NPLOC4: variants seen among roughly 807,000 people sequenced by gnomAD.
NPLOC4 encodes the protein nuclear protein localization protein 4 homolog.
Under a neutral mutation model 80.6 loss-of-function variants are expected in NPLOC4, and 18 were observed. The observed-to-expected ratio is 0.22, with a 90% CI of 0.15 to 0.33. The LOEUF (loss-of-function observed/expected upper bound fraction) is 0.33, where lower values mean the gene tolerates loss of function less well. Among genes scored for constraint, NPLOC4 ranks in the 10% least tolerant of loss-of-function variants. The pLI, the probability that NPLOC4 is intolerant of heterozygous loss-of-function variation, is 1.00. For synonymous variants in NPLOC4, 313 were observed against 301.5 expected (o/e 1.04, Z -0.39); for missense variants, 540 against 786.1 (o/e 0.69, Z 3.74).
rs755532885 is a variant in NPLOC4 at position 81,559,231 on chromosome 17, C to G, written c.*28G>C. The G allele has an allele frequency of 5.7e-6, 9 of 1,575,000 alleles. No homozygotes were observed. Among genetic ancestry groups the G allele is most frequent in the Non-Finnish European group, 7.7e-6 (9 of 1,161,522 alleles). ...GCTTCAGGAAGGGCTGGGCTGGGCCCGGTCCTAGCCAGCAGAGGGCAGGCG... is the reference window on the plus strand; with the variant it reads ...GCTTCAGGAAGGGCTGGGCTGGGCCGGGTCCTAGCCAGCAGAGGGCAGGCG... On this transcript the variant is annotated 3_prime_UTR_variant, in exon 17 of 17. Coordinates refer to ENST00000331134, the MANE Select transcript of NPLOC4 (RefSeq NM_017921.4).
At chr17:81,602,089 T>C (rs1279461268) in intron 8 of NPLOC4, among the ~76,000 whole-genome samples, 1 of 152,134 alleles carries the variant, frequency 6.6e-6, no homozygotes, top group African/African-American at 2.4e-5. Flanking sequence ...TGCGTGTGTG[T>C]ATGTGCTTAC....
At chr17:81,583,547 G>A (rs752728758) in intron 12 of NPLOC4, among the ~76,000 whole-genome samples, 1 of 152,212 alleles carries the variant, frequency 6.6e-6, no homozygotes, top group African/African-American at 2.4e-5. Context: ...CCCCAGAGAT[G>A]AGTGAGGCTG....
chr17:81,618,712 A>G (rs1272420080), intron 3 of NPLOC4, among the ~76,000 whole-genome samples: 1 of 151,696 alleles, frequency 6.6e-6, no homozygotes, highest in African/African-American at 2.4e-5. Flanking sequence ...TGTACCCAAC[A>G]GCTCATTGAG....
intron 12 of NPLOC4, among the ~76,000 whole-genome samples, chr17:81,585,170 C>CAAAAAAAAAAAAAAAAAAAAA (rs35473939): frequency 2.4e-5 from 1 of 40,872 alleles, no homozygotes; most frequent in African/African-American, 1.3e-4. Context: ...ACTCTGTCGC[C>CAAAAAAAAAAAAAAAAAAAAA]AAAAAAAAAA....
intron 7 of NPLOC4, among the ~76,000 whole-genome samples, chr17:81,606,053 C>G (rs1395806692): frequency 6.6e-6 from 1 of 152,046 alleles, no homozygotes; most frequent in African/African-American, 2.4e-5. Context: ...AACTCCTGAC[C>G]TCAGGTGATC....
At chr17:81,568,031 A>T (rs2034057237) in intron 14 of NPLOC4, 1 of 151,700 alleles carries the variant, frequency 6.6e-6, no homozygotes, top group Non-Finnish European at 1.4e-5. Flanking sequence ...GTGAGCCAAG[A>T]TCGCACCACT....
In NPLOC4 at chr17:81,559,130, G is replaced by T; in HGVS notation, c.*129C>A. The stretch of plus-strand genomic sequence containing the variant: ...AAGCTTCAGTGGGTCAGGGAGCCCA[G>T]GACAGCCAGCCCCTTGTTCCTCCAG... On this transcript the variant is annotated 3_prime_UTR_variant, in exon 17 of 17. Transcript: ENST00000331134. 1 of 1,100,880 alleles carries T rather than the reference G, an allele frequency of 9.1e-7. No individual in the cohort carries two copies. Among genetic ancestry groups the T allele is most frequent in the Non-Finnish European group, 1.3e-6 (1 of 794,406 alleles). 68.2% of individuals were successfully genotyped at this position (1,100,880 alleles called of 1,614,324 possible).
At chr17:81,620,508 T>A (rs1002169108) in intron 3 of NPLOC4, among the ~76,000 whole-genome samples, 2 of 151,362 alleles carry the variant, frequency 1.3e-5, no homozygotes, top group African/African-American at 4.9e-5. Flanking sequence ...AAAAAATAAA[T>A]AAATAAAAAA....
chr17:81,564,083 AACACACACACACACACAC>A (rs58774657), intron 16 of NPLOC4: 1 of 261,516 alleles, frequency 3.8e-6, no homozygotes. Context: ...TCCAGCTCAA[AACACACACACACACACAC>A]ACACACACAC....
At position 81,613,386 on chromosome 17, in the gene NPLOC4, C is replaced by T; in HGVS notation, c.318G>A (p.Val106=). 6.2e-7 allele frequency: 1 copy of T among 1,613,986 alleles called. No homozygotes were observed. The highest frequency in any genetic ancestry group is 2.2e-5 in the East Asian group (1 of 44,874). ...GFKVFGAPNV[V]EDEIDQYLSK... is the part of the protein sequence containing the mutation. The stretch of plus-strand genomic sequence containing the variant: ...TGAGGTACTGATCAATCTCATCCTC[C>T]ACCACGTTGGGAGCGCCAAAGACTT... The change falls in exon 4 of 17, where the codon GTG becomes GTA. Residue 106 remains valine (V), a synonymous_variant. Transcript: ENST00000331134.
At chr17:81,596,748 G>A (rs1284959751) in intron 10 of NPLOC4, among the ~76,000 whole-genome samples, 1 of 152,164 alleles carries the variant, frequency 6.6e-6, no homozygotes, top group Non-Finnish European at 1.5e-5. Flanking sequence ...GCTTTATAAA[G>A]GTAAGATGGG....
intron 2 of NPLOC4, among the ~76,000 whole-genome samples, chr17:81,629,051 T>G (rs1442392761): frequency 2.0e-5 from 3 of 152,082 alleles, no homozygotes; most frequent in Non-Finnish European, 4.4e-5. Context: ...GCTAATTTTT[T>G]GTATTTTTAC....
At chr17:81,626,898 T>C (rs1447030066) in intron 2 of NPLOC4, among the ~76,000 whole-genome samples, 1 of 142,544 alleles carries the variant, frequency 7.0e-6, no homozygotes, top group African/African-American at 2.7e-5. Context: ...GAGACCAGAC[T>C]GGCCAACATA....
rs368125171 is a variant in NPLOC4 at position 81,577,682 on chromosome 17, G to A, written c.1282-5594C>T. 2.0e-4 allele frequency among the ~76,000 whole-genome samples: 31 copies of A among 152,212 alleles called. No individual in the cohort carries two copies. The East Asian group carries it at 5.0e-3, about 25-fold the overall frequency. On this transcript the variant is annotated intron_variant, in intron 12 of 16. Transcript: ENST00000331134. This position sits in a 1 kb window ranked among gnomAD's most constrained non-coding sequence, Gnocchi z 4.3. ...CTGTCCTGCTCCATCTTCAAACTCT[G>A]CGTGCTGGCACCTGGACTCACCATC...
chr17:81,585,675 AAG>A lies in NPLOC4; in HGVS notation c.1281+3267_1281+3268del, dbSNP rs2034564281. On this transcript the variant is annotated intron_variant, in intron 12 of 16. Transcript: ENST00000331134. ...GACTCCATTTCTGGGGGGGGGGGGA[AAG>A]AAAGAAATCAGAGGCTGGGTGCAGT... 1.5e-5 allele frequency among the ~76,000 whole-genome samples: 2 copies of A among 131,590 alleles called. 1 individual carries two copies. The highest frequency in any genetic ancestry group is 6.6e-5 in the African/African-American group (2 of 30,270). The allele number at this position is 131,590 out of a possible 152,430, so 86.3% of individuals were successfully genotyped here.
rs148480266 is a variant in NPLOC4 at position 81,620,204 on chromosome 17, G to A, written c.209+1962C>T. On this transcript the variant is annotated intron_variant, in intron 3 of 16. Transcript: ENST00000331134. ...GTCTAGGGATAGACACTCAAGTAAC[G>A]AAAGAATAAAGAGCCAGGCACGGTG... Among the ~76,000 whole-genome samples the A allele has an allele frequency of 1.2e-3, 176 of 152,216 alleles. 1 individual carries two copies. The highest frequency in any genetic ancestry group is 3.3e-3 in the African/African-American group (135 of 41,532).
Position 81,597,255 on chromosome 17 carries a change from C to A in NPLOC4, c.983G>T (p.Ser328Ile). 6.2e-7 allele frequency: 1 copy of A among 1,613,512 alleles called. No homozygotes were observed. The highest frequency in any genetic ancestry group is 8.5e-7 in the Non-Finnish European group (1 of 1,179,460). The stretch of plus-strand genomic sequence containing the variant: ...CTGTCTCCACCTCACCTTATTTCGA[C>A]TGTAGCGGACGGTACCCTTTCGGGT... ...EDTRKGTVRY[S>I]RNKDTYFLSS... is the part of the protein sequence containing the mutation. Residue 328 changes from serine (S) to isoleucine (I), a missense_variant, in exon 10 of 17, where the codon AGT becomes ATT. Ser to Ile is a moderately radical substitution (Grantham distance 142). Around this residue, in one of 6 missense-constraint regions of NPLOC4, gnomAD observed 251 missense variants for 377.5 expected, o/e 0.66. Transcript: ENST00000331134.
chr17:81,611,627 G>A (rs926990512), intron 4 of NPLOC4, among the ~76,000 whole-genome samples: 3 of 151,784 alleles, frequency 2.0e-5, no homozygotes, highest in Non-Finnish European at 4.4e-5. Flanking sequence ...TGGGATTACA[G>A]GTGTGAGCAA....
At chr17:81,599,009 C>T (rs1309096252) in intron 9 of NPLOC4, among the ~76,000 whole-genome samples, 2 of 152,242 alleles carry the variant, frequency 1.3e-5, no homozygotes, top group East Asian at 3.8e-4. Flanking sequence ...ATATTTTAGG[C>T]CAGGCACGGT....
Sources: gnomAD v4.1 joint callset for allele counts (sites outside exome capture counted in the v4.1 genomes callset) on GRCh38, gnomAD v4.1.1 for gene constraint, gnomAD v4.1.1 regional missense constraint, Gnocchi (gnomAD v3.1) non-coding constraint, MANE v1.5 for transcripts, NCBI Gene and HGNC (gene_info 2026-07-23, HGNC 2026-07-21) for gene names.